The following DGKB variants were observed in gnomAD, a reference collection of about 807,000 sequenced individuals.
DGKB encodes diacylglycerol kinase beta, also known as 90 kDa diacylglycerol kinase.
A neutral mutation model predicts 114.3 loss-of-function variants in DGKB; 67 were observed. That is an observed-to-expected ratio of 0.59 (90% CI 0.48 to 0.72). The LOEUF is 0.72. DGKB is among the 30% of genes least tolerant of loss of function. The pLI is 0.00. For missense variants in DGKB, 907 were observed against 975.2 expected, an observed-to-expected ratio of 0.93 and a Z score of 0.93; for synonymous variants, 398 against 323.1, an observed-to-expected ratio of 1.23 and a Z score of -2.49.
At chr7:14,886,131 A>G (rs1022062102) in intron 1 of DGKB, among the ~76,000 whole-genome samples, 5 of 151,882 alleles carry the variant, frequency 3.3e-5, no homozygotes, top group African/African-American at 1.2e-4. Context: ...AGAGTTTGTA[A>G]TTGTCTAGTA....
intron 1 of DGKB, among the ~76,000 whole-genome samples, chr7:14,852,487 C>CAAAGAAACAAAAACAAAAAA (rs1849497636): frequency 1.6e-5 from 1 of 63,636 alleles, no homozygotes; most frequent in East Asian, 5.0e-4. Flanking sequence ...TAGTGAAAGT[C>CAAAGAAACAAAAACAAAAAA]AAAAAAAAAA....
intron 9 of DGKB, among the ~76,000 whole-genome samples, chr7:14,689,218 T>A (rs1019585176): frequency 7.1e-6 from 1 of 140,662 alleles, no homozygotes; most frequent in South Asian, 2.4e-4. Flanking sequence ...TTTTTTTTTT[T>A]TTTTTTGAGA....
chr7:14,149,227 T>C lies in DGKB; in HGVS notation c.2316A>G (p.Thr772=). Residue 772 remains threonine (T), a synonymous_variant, in exon 26 of 26, where the codon ACA becomes ACG. Transcript: ENST00000402815. Reference sequence around the variant, plus strand: ...TCAGCATTGGGGCTTGGTTCTTGTGTGTAATTTTTATCTAGAAAAAAAGAG... The same window carrying C: ...TCAGCATTGGGGCTTGGTTCTTGTGCGTAATTTTTATCTAGAAAAAAAGAG... ...WMQTPCTIKI[T]HKNQAPMLMG... The C allele has an allele frequency of 6.2e-7, 1 of 1,612,360 alleles. No individual in the cohort carries two copies. Among genetic ancestry groups the C allele is most frequent in the Admixed American group, 1.7e-5 (1 of 59,820 alleles).
At chr7:14,159,991 C>G (rs960653086) in intron 25 of DGKB, among the ~76,000 whole-genome samples, 1 of 152,050 alleles carries the variant, frequency 6.6e-6, no homozygotes, top group Non-Finnish European at 1.5e-5. Flanking sequence ...ATATTCTTGA[C>G]TTGGCTTGGA....
chr7:14,767,079 A>G (rs1436779157), intron 2 of DGKB, among the ~76,000 whole-genome samples: 1 of 151,686 alleles, frequency 6.6e-6, no homozygotes, highest in African/African-American at 2.4e-5. Flanking sequence ...ATTTTTTGCC[A>G]TAGAAGGAAA....
rs531037675 is a variant in DGKB, at chr7:14,414,217, T to C, written c.1835+63944A>G. The stretch of plus-strand genomic sequence containing the variant: ...AAGGTGAACAATCAGTGTGAGAGAC[T>C]GGGATAGAACAAGTTCGAGATAAGT... On this transcript the variant is annotated intron_variant, in intron 21 of 25. Transcript: ENST00000402815. Among the ~76,000 whole-genome samples the C allele has an allele frequency of 3.2e-4, 48 of 152,160 alleles. No individual in the cohort carries two copies. In the South Asian group the frequency reaches 9.5e-3, roughly 30 times the overall value.
chr7:14,450,967 A>G (rs949858193), intron 21 of DGKB, among the ~76,000 whole-genome samples: 1 of 152,056 alleles, frequency 6.6e-6, no homozygotes, highest in Non-Finnish European at 1.5e-5. Context: ...AGGAATAGCT[A>G]TCAGTCAGAT....
intron 2 of DGKB, among the ~76,000 whole-genome samples, chr7:14,790,975 T>A (rs1408795200): frequency 6.6e-6 from 1 of 152,094 alleles, no homozygotes; most frequent in Non-Finnish European, 1.5e-5. Context: ...TTTATTATAT[T>A]TCCTTCATCA....
intron 23 of DGKB, among the ~76,000 whole-genome samples, chr7:14,313,540 G>T (rs560128434): frequency 6.6e-6 from 1 of 152,120 alleles, no homozygotes; most frequent in Non-Finnish European, 1.5e-5. Context: ...CGGGAAAATC[G>T]GGTCACTCCC....
chr7:14,471,008 A>G (rs570667337), intron 21 of DGKB, among the ~76,000 whole-genome samples: 2 of 151,294 alleles, frequency 1.3e-5, no homozygotes, highest in African/African-American at 2.4e-5. Context: ...TTCTCATTAT[A>G]TTCTAGAACT....
chr7:14,474,559 C>T (rs1196547794), intron 21 of DGKB, among the ~76,000 whole-genome samples: 4 of 152,202 alleles, frequency 2.6e-5, no homozygotes, highest in Non-Finnish European at 4.4e-5. Context: ...CACTGCTTTG[C>T]ATGTTTTTCT....
intron 5 of DGKB, among the ~76,000 whole-genome samples, chr7:14,719,268 A>G (rs1425683733): frequency 6.6e-6 from 1 of 152,200 alleles, no homozygotes; most frequent in African/African-American, 2.4e-5. Flanking sequence ...CATGATGGAT[A>G]TTAGAGAGGT....
At chr7:14,860,828 G>C (rs978341252) in intron 1 of DGKB, among the ~76,000 whole-genome samples, 1 of 151,818 alleles carries the variant, frequency 6.6e-6, no homozygotes, top group Admixed American at 6.6e-5. Flanking sequence ...GTGCAAAACT[G>C]TATAAATATG....
intron 4 of DGKB, among the ~76,000 whole-genome samples, chr7:14,752,567 T>G (rs1054961215): frequency 6.6e-6 from 1 of 152,168 alleles, no homozygotes; most frequent in African/African-American, 2.4e-5. Flanking sequence ...CAGGCTGTCA[T>G]TCTTCTCCCC....
At chr7:14,481,995 T>A (rs931361326) in intron 20 of DGKB, among the ~76,000 whole-genome samples, 2 of 152,038 alleles carry the variant, frequency 1.3e-5, no homozygotes, top group African/African-American at 4.8e-5. Context: ...TCTTCTTATG[T>A]GGACTACATA....
intron 21 of DGKB, among the ~76,000 whole-genome samples, chr7:14,376,940 G>T (rs984449169): frequency 1.3e-5 from 2 of 152,286 alleles, no homozygotes; most frequent in Admixed American, 6.5e-5. Context: ...AAAGCCAGGG[G>T]CAAGTTTTTC....
At chr7:14,482,591 A>G (rs1343741865) in intron 20 of DGKB, among the ~76,000 whole-genome samples, 4 of 152,056 alleles carry the variant, frequency 2.6e-5, no homozygotes, top group Non-Finnish European at 1.5e-5. Context: ...TAATACCACA[A>G]AGAGCAGCTT....
chr7:14,646,041 G>A (rs1040481198), intron 13 of DGKB, among the ~76,000 whole-genome samples: 35 of 152,072 alleles, frequency 2.3e-4, no homozygotes, highest in Non-Finnish European at 3.5e-4. Context: ...ACTATGAAGA[G>A]GTTTAATTCA....
chr7:14,330,712 T>C (rs1264477390), intron 23 of DGKB, among the ~76,000 whole-genome samples: 1 of 151,980 alleles, frequency 6.6e-6, no homozygotes, highest in Non-Finnish European at 1.5e-5. Flanking sequence ...ATTCTAAATA[T>C]TGTCATCTAG....
Sources: gnomAD v4.1 joint callset for allele counts (sites outside exome capture counted in the v4.1 genomes callset) on GRCh38, gnomAD v4.1.1 for gene constraint, MANE v1.5 for transcripts, NCBI Gene and HGNC (gene_info 2026-07-23, HGNC 2026-07-21) for gene names.